Variants in CSMD1 observed in about 807,000 individuals in gnomAD.
The protein encoded by CSMD1 is CUB and sushi domain-containing protein 1.
Under a neutral mutation model 417.5 loss-of-function variants are expected in CSMD1, and 213 were observed. That is an observed-to-expected ratio of 0.51 (90% CI 0.46 to 0.57). The LOEUF (loss-of-function observed/expected upper bound fraction) is 0.57. CSMD1 is among the 20% of genes least tolerant of loss of function. CSMD1 has a pLI of 0.00. For missense variants in CSMD1, 6,923 were observed against 4,529.7 expected, an observed-to-expected ratio of 1.53 and a Z score of -15.17; for synonymous variants, 2,862 against 1,736.8, an observed-to-expected ratio of 1.65 and a Z score of -16.11.
At chr8:4,155,276 G>A (rs1407463261) in intron 3 of CSMD1, among the ~76,000 whole-genome samples, 1 of 152,176 alleles carries the variant, frequency 6.6e-6, no homozygotes, top group Admixed American at 6.5e-5. Context: ...GTCCGGGTGT[G>A]AATTAGGGGG....
chr8:3,953,683 G>A (rs908505738), intron 5 of CSMD1, among the ~76,000 whole-genome samples: 7 of 151,974 alleles, frequency 4.6e-5, no homozygotes, highest in African/African-American at 1.7e-4. Flanking sequence ...AAGTGATGGC[G>A]GGGAGGGGTG....
chr8:4,609,890 T>C (rs759733150), intron 2 of CSMD1, among the ~76,000 whole-genome samples: 1 of 152,150 alleles, frequency 6.6e-6, no homozygotes, highest in Non-Finnish European at 1.5e-5. Context: ...GCAGGATATT[T>C]TCAAAAAGAA....
intron 20 of CSMD1, 82 bp from the exon 21 acceptor site, chr8:3,359,422 TTAC>T: frequency 1.1e-6 from 1 of 891,490 alleles, no homozygotes; most frequent in Non-Finnish European, 1.6e-6. Context: ...AAAAGTGCTA[TTAC>T]TAAAAAAAAA....
intron 1 of CSMD1, among the ~76,000 whole-genome samples, chr8:4,831,516 A>G (rs1211896361): frequency 1.3e-5 from 2 of 152,138 alleles, no homozygotes; most frequent in Non-Finnish European, 2.9e-5. Flanking sequence ...TGCATGGTAC[A>G]TATTTTTTTT....
At chr8:4,313,323 G>C (rs1322760810) in intron 3 of CSMD1, among the ~76,000 whole-genome samples, 3 of 151,502 alleles carry the variant, frequency 2.0e-5, no homozygotes, top group East Asian at 3.9e-4. Flanking sequence ...AGTCCCTAGA[G>C]AGGGAGGAAT....
At chr8:3,143,247 G>A (rs79368843) in intron 40 of CSMD1, among the ~76,000 whole-genome samples, 11,158 of 152,206 alleles carry the variant, frequency 0.073, 689 homozygotes, top group Admixed American at 0.2. Flanking sequence ...TTTACTAACT[G>A]GACGGTCATA....
intron 2 of CSMD1, among the ~76,000 whole-genome samples, chr8:4,463,491 A>C (rs1350321133): frequency 6.6e-6 from 1 of 152,220 alleles, no homozygotes; most frequent in East Asian, 1.9e-4. Context: ...TCATAATTGC[A>C]AAAAGTGGAA....
chr8:3,708,681 G>A (rs1801318985), intron 6 of CSMD1, among the ~76,000 whole-genome samples, 190 bp from the exon 7 acceptor site: 2 of 152,158 alleles, frequency 1.3e-5, no homozygotes, highest in South Asian at 2.1e-4. Context: ...AGGCTATCAA[G>A]CAGCAAGATC....
intron 3 of CSMD1, among the ~76,000 whole-genome samples, chr8:4,396,748 G>C (rs116327293): frequency 0.013 from 1,985 of 152,184 alleles, 46 homozygotes; most frequent in African/African-American, 0.043. Context: ...TGGAAATGGA[G>C]ACAATTACTC....
intron 5 of CSMD1, among the ~76,000 whole-genome samples, chr8:3,831,672 A>T (rs1802385396): frequency 6.6e-6 from 1 of 152,168 alleles, no homozygotes; most frequent in Non-Finnish European, 1.5e-5. Flanking sequence ...TAAAATCTTT[A>T]CCGGCAAAGG....
intron 1 of CSMD1, among the ~76,000 whole-genome samples, chr8:4,834,533 G>C (rs954052341): frequency 2.0e-5 from 3 of 152,126 alleles, no homozygotes; most frequent in African/African-American, 4.8e-5. Context: ...ATAAGGGTGA[G>C]CTTTCTGAAA....
intron 5 of CSMD1, among the ~76,000 whole-genome samples, chr8:3,838,183 G>A (rs1203580652): frequency 6.6e-6 from 1 of 152,042 alleles, no homozygotes. Context: ...ATCAGACACA[G>A]ACCCTGCCTT....
At chr8:3,604,334 G>C (rs1047842549) in intron 8 of CSMD1, among the ~76,000 whole-genome samples, 1 of 152,160 alleles carries the variant, frequency 6.6e-6, no homozygotes, top group African/African-American at 2.4e-5. Context: ...AGATTGTGTG[G>C]CCAGGAAGTA....
At chr8:4,105,139 A>G (rs934981540) in intron 3 of CSMD1, among the ~76,000 whole-genome samples, 10 of 152,176 alleles carry the variant, frequency 6.6e-5, no homozygotes, top group African/African-American at 1.7e-4. Flanking sequence ...CACAATCACT[A>G]ATAACGTACA....
At chr8:3,414,581 T>G (rs1411664840) in intron 12 of CSMD1, among the ~76,000 whole-genome samples, 1 of 152,258 alleles carries the variant, frequency 6.6e-6, no homozygotes, top group African/African-American at 2.4e-5. Context: ...CAAACTCCAG[T>G]GCTAAGGATA....
chr8:3,859,451 G>C (rs145101863), intron 5 of CSMD1, among the ~76,000 whole-genome samples: 30 of 152,262 alleles, frequency 2.0e-4, no homozygotes, highest in Middle Eastern at 3.4e-3. Context: ...AGAAATGCCT[G>C]GACTTTGTGC....
At chr8:4,285,547 C>T (rs184505429) in intron 3 of CSMD1, among the ~76,000 whole-genome samples, 2 of 152,282 alleles carry the variant, frequency 1.3e-5, no homozygotes, top group Non-Finnish European at 2.9e-5. Context: ...GCTTTCTCTC[C>T]ATGGATGAGG....
In CSMD1 at chr8:4,206,193, TTC is replaced by T. The variant is rs534115876; in HGVS notation, c.416-174096_416-174095del. The stretch of plus-strand genomic sequence containing the variant: ...GAAATACATGCTGAAAAATGAGGAT[TTC>T]TTTTTCTTTTTTTAAATACTTTAAG... On this transcript the variant is annotated intron_variant, in intron 3 of 69. Transcript: ENST00000635120. 1.0e-3 allele frequency among the ~76,000 whole-genome samples: 151 copies of T among 148,248 alleles called. 1 individual carries two copies. Among genetic ancestry groups the T allele is most frequent in the African/African-American group, 3.9e-3 (149 of 37,802 alleles).
At chr8:4,836,070 G>A in intron 1 of CSMD1, among the ~76,000 whole-genome samples, 1 of 151,986 alleles carries the variant, frequency 6.6e-6, no homozygotes, top group Non-Finnish European at 1.5e-5. Flanking sequence ...TTAGAATATT[G>A]GACATACACA....
Sources: gnomAD v4.1 joint callset for allele counts (sites outside exome capture counted in the v4.1 genomes callset) on GRCh38, gnomAD v4.1.1 for gene constraint, MANE v1.5 for transcripts, NCBI Gene and HGNC (gene_info 2026-07-23, HGNC 2026-07-21) for gene names.